Variants in RAD18 observed in about 807,000 individuals in gnomAD.
The protein encoded by RAD18 is E3 ubiquitin-protein ligase RAD18.
A neutral mutation model predicts 60.4 loss-of-function variants in RAD18; 47 were observed. That is an observed-to-expected ratio of 0.78 (90% CI 0.62 to 0.99). The LOEUF (loss-of-function observed/expected upper bound fraction) is 0.99, where lower values mean the gene tolerates loss of function less well. RAD18 is among the 50% of genes least tolerant of loss of function. The probability of loss-of-function intolerance (pLI) is 0.00; values close to 1 mark genes in which losing one functional copy is unlikely to be tolerated. For missense variants in RAD18, 640 were observed against 593.3 expected (o/e 1.08, Z -0.82); for synonymous variants, 225 against 195.5 (o/e 1.15, Z -1.26).
chr3:8,901,476 T>A (rs1000881967), intron 10 of RAD18, among the ~76,000 whole-genome samples: 2 of 152,286 alleles, frequency 1.3e-5, no homozygotes, highest in South Asian at 2.1e-4. Context: ...TAAAATATTT[T>A]AAAATTTTAA....
intron 1 of RAD18, 94 bp downstream of exon 1, chr3:8,963,241 C>T (rs1367769977): frequency 1.5e-6 from 2 of 1,376,334 alleles, no homozygotes; most frequent in East Asian, 5.3e-5. Flanking sequence ...GCTCGCGCCT[C>T]ATCCTTTCTC....
At chr3:8,903,038 C>A (rs1208063927) in intron 9 of RAD18, among the ~76,000 whole-genome samples, 3 of 149,412 alleles carry the variant, frequency 2.0e-5, no homozygotes, top group African/African-American at 2.5e-5. Flanking sequence ...AAAAAAAAAA[C>A]AAAAAACAAA....
At chr3:8,953,324 T>C (rs1940957189) in intron 2 of RAD18, among the ~76,000 whole-genome samples, 2 of 151,928 alleles carry the variant, frequency 1.3e-5, no homozygotes, top group South Asian at 4.1e-4. Context: ...TTTAAATTAG[T>C]ATTTATAATA....
intron 12 of RAD18, among the ~76,000 whole-genome samples, chr3:8,889,653 C>A (rs1021214422): frequency 6.6e-6 from 1 of 152,026 alleles, no homozygotes; most frequent in Non-Finnish European, 1.5e-5. Flanking sequence ...GCTTTTCATG[C>A]AGGAGGACCT....
In RAD18 at chr3:8,880,459, G is replaced by C. The variant is rs1939438070; in HGVS notation, c.*898C>G. 6.6e-6 allele frequency: 1 copy of C among 152,148 alleles called. No individual in the cohort carries two copies. Among genetic ancestry groups the C allele is most frequent in the South Asian group, 2.1e-4 (1 of 4,820 alleles). 9.4% of individuals were successfully genotyped at this position (152,148 alleles called of 1,614,324 possible). On this transcript the variant is annotated 3_prime_UTR_variant, in exon 13 of 13. Coordinates refer to ENST00000264926, the MANE Select transcript of RAD18 (RefSeq NM_020165.4). The stretch of plus-strand genomic sequence containing the variant: ...GAACTCTGGAAGCATCTGGCTACTG[G>C]TAGACATTTTACACAGATAGCAATT...
At chr3:8,885,430 TATAAG>T (rs1231715396) in intron 12 of RAD18, among the ~76,000 whole-genome samples, 1 of 152,268 alleles carries the variant, frequency 6.6e-6, no homozygotes, top group Non-Finnish European at 1.5e-5. Flanking sequence ...TTTCCGATTT[TATAAG>T]ATTAGAGAAA....
intron 12 of RAD18, among the ~76,000 whole-genome samples, chr3:8,885,992 T>A (rs1939556455): frequency 6.6e-6 from 1 of 152,298 alleles, no homozygotes; most frequent in South Asian, 2.1e-4. Context: ...ATGCTGTAGT[T>A]ATAGCTTGTG....
chr3:8,912,951 A>AT (rs1291090946), intron 8 of RAD18, among the ~76,000 whole-genome samples: 4 of 151,974 alleles, frequency 2.6e-5, no homozygotes, highest in Non-Finnish European at 5.9e-5. Context: ...TGTAAATCCC[A>AT]TTTTTTTCCT....
intron 4 of RAD18, among the ~76,000 whole-genome samples, chr3:8,942,363 G>A (rs1285535490): frequency 1.3e-5 from 2 of 152,172 alleles, no homozygotes; most frequent in Non-Finnish European, 2.9e-5. Context: ...TTTCCACTGT[G>A]ACTGTAAGCA....
intron 4 of RAD18, among the ~76,000 whole-genome samples, chr3:8,942,466 T>C (rs575369085): frequency 3.3e-5 from 5 of 152,262 alleles, no homozygotes; most frequent in African/African-American, 9.6e-5. Context: ...TTACCCAGCC[T>C]CAAGTTTACT....
At chr3:8,946,274 T>C (rs150014660) in intron 4 of RAD18, among the ~76,000 whole-genome samples, 20 of 152,396 alleles carry the variant, frequency 1.3e-4, no homozygotes, top group African/African-American at 4.6e-4. Flanking sequence ...AGTAACATGC[T>C]GTACAGGTTT....
chr3:8,960,076 G>C (rs1368473276), intron 1 of RAD18, among the ~76,000 whole-genome samples: 1 of 152,194 alleles, frequency 6.6e-6, no homozygotes, highest in Non-Finnish European at 1.5e-5. Flanking sequence ...GGGAGGCCAA[G>C]GCAGGAGAAC....
chr3:8,877,251 C>A lies in RAD18; in HGVS notation c.*4106G>T. Reference sequence around the variant, plus strand: ...GTATGGAGGCTGGTAAGTCCAAGATCAAGGCACTGGCAGATTCCGTGTCTG... The same window carrying A: ...GTATGGAGGCTGGTAAGTCCAAGATAAAGGCACTGGCAGATTCCGTGTCTG... On this transcript the variant is annotated 3_prime_UTR_variant, in exon 13 of 13. Coordinates refer to ENST00000264926, the MANE Select transcript of RAD18 (RefSeq NM_020165.4). 1 of 154,892 alleles carries A rather than the reference C, an allele frequency of 6.5e-6. No homozygotes were observed. The highest frequency in any genetic ancestry group is 1.8e-4 in the South Asian group (1 of 5,480). 9.6% of individuals were successfully genotyped at this position (154,892 alleles called of 1,614,324 possible). A position where few individuals can be genotyped will look rare whatever the true frequency, so the allele number is the denominator to read the frequency against.
At chr3:8,903,821 T>G (rs1196361381) in intron 9 of RAD18, among the ~76,000 whole-genome samples, 3 of 152,202 alleles carry the variant, frequency 2.0e-5, no homozygotes, top group Non-Finnish European at 4.4e-5. Context: ...TGACACTGTT[T>G]TCATACAAAA....
chr3:8,957,524 C>T (rs1237403771), intron 2 of RAD18, among the ~76,000 whole-genome samples: 1 of 152,116 alleles, frequency 6.6e-6, no homozygotes, highest in Non-Finnish European at 1.5e-5. Context: ...GAGGTATTTA[C>T]TGCAATAGGG....
chr3:8,944,754 CA>C (rs958461282), intron 4 of RAD18, among the ~76,000 whole-genome samples: 2 of 152,102 alleles, frequency 1.3e-5, no homozygotes, highest in Admixed American at 6.5e-5. Flanking sequence ...GGCTAAGAAT[CA>C]AGAGTCAAAA....
At chr3:8,891,334 T>G (rs1394942701) in intron 11 of RAD18, among the ~76,000 whole-genome samples, 1 of 152,000 alleles carries the variant, frequency 6.6e-6, no homozygotes, top group African/African-American at 2.4e-5. Context: ...CAATTTTTTT[T>G]TTAAACAGGA....
chr3:8,930,081 A>T (rs976270427), intron 7 of RAD18, among the ~76,000 whole-genome samples: 1 of 152,252 alleles, frequency 6.6e-6, no homozygotes, highest in Admixed American at 6.5e-5. Flanking sequence ...GTAAAGACAC[A>T]ATAGAAATGA....
rs112452070 is a variant in RAD18 at position 8,918,135 on chromosome 3, T to C, written c.890-4415A>G. ...GAGTTCGAGACCAGCCTGACCAACATGGTGAAATCCCGTCCCTACTGAAAA... is the reference window on the plus strand; with the variant it reads ...GAGTTCGAGACCAGCCTGACCAACACGGTGAAATCCCGTCCCTACTGAAAA... On this transcript the variant is annotated intron_variant, in intron 7 of 12. Transcript: ENST00000264926. 6.6e-3 allele frequency among the ~76,000 whole-genome samples: 1,005 copies of C among 151,978 alleles called. 12 individuals are homozygous for C. The highest frequency in any genetic ancestry group is 0.023 in the African/African-American group (960 of 41,466).
Sources: allele counts gnomAD v4.1 joint callset (sites outside exome capture counted in the v4.1 genomes callset), GRCh38; gene constraint gnomAD v4.1.1; transcripts MANE v1.5; gene names NCBI Gene and HGNC (gene_info 2026-07-23, HGNC 2026-07-21).